CEP128: variants seen among roughly 807,000 people sequenced by gnomAD.
CEP128 encodes centrosomal protein 128kDa.
In CEP128, 132 loss-of-function variants were observed where a neutral mutation model predicts 156.7. That is an observed-to-expected ratio of 0.84 (90% CI 0.73 to 0.97). The LOEUF is 0.97. CEP128 is among the 50% of genes least tolerant of loss of function. CEP128 has a pLI of 0.00. For missense variants in CEP128, 1,252 were observed against 1,281.9 expected, an observed-to-expected ratio of 0.98 and a Z score of 0.36; for synonymous variants, 469 against 448.9, an observed-to-expected ratio of 1.04 and a Z score of -0.57.
intron 19 of CEP128, among the ~76,000 whole-genome samples, chr14:80,742,234 G>C (rs1234465507): frequency 6.6e-6 from 1 of 151,940 alleles, no homozygotes; most frequent in Non-Finnish European, 1.5e-5. Flanking sequence ...TTACATTTTT[G>C]ATTTTAAGAA....
intron 6 of CEP128, among the ~76,000 whole-genome samples, chr14:80,491,256 C>T (rs1029543240): frequency 1.1e-4 from 17 of 152,172 alleles, no homozygotes; most frequent in Admixed American, 2.0e-4. Flanking sequence ...TACACACTGG[C>T]TTTATTGGCT....
At chr14:80,890,161 A>AC (rs148985285) in intron 8 of CEP128, among the ~76,000 whole-genome samples, 75,125 of 151,918 alleles carry the variant, frequency 0.49, 19,073 homozygotes, top group African/African-American at 0.57. Context: ...AAATAGGAAC[A>AC]TTTTACACTG....
Position 80,895,798 on chromosome 14 carries a change from G to GGAA in CEP128, c.573-9_573-8insTTC. ...TTTGTTTCGGCATCTGACCTAGGAA[G>GGAA]AAAAAAAAAAAAAAGATTTAAATTT... On this transcript the variant is annotated splice_polypyrimidine_tract_variant and intron_variant, in intron 7 of 24. Coordinates refer to ENST00000555265, the MANE Select transcript of CEP128 (RefSeq NM_152446.5). 2 of 1,262,704 alleles carry GGAA rather than the reference G, an allele frequency of 1.6e-6. No homozygotes were observed. The highest frequency in any genetic ancestry group is 3.5e-5 in the South Asian group (2 of 57,414). The allele number at this position is 1,262,704 out of a possible 1,614,324, so 78.2% of individuals were successfully genotyped here.
In CEP128 at chr14:80,613,052, C is replaced by T. The variant is rs904622380; in HGVS notation, c.2807-32629G>A. On this transcript the variant is annotated intron_variant, in intron 19 of 24. Transcript: ENST00000555265. ...TTGTATTTTAGTAGAGACGGGGTTT[C>T]ACCATGTTCTCCAGGCTGCTCTCGA... is the stretch of plus-strand genomic sequence containing the variant. 7.1e-4 allele frequency among the ~76,000 whole-genome samples: 100 copies of T among 141,656 alleles called. 1 individual carries two copies. The highest frequency in any genetic ancestry group is 2.6e-3 in the African/African-American group (98 of 37,388). The allele number at this position is 141,656 out of a possible 152,430, so 92.9% of individuals were successfully genotyped here.
At chr14:80,512,989 A>C (rs1364250617) in intron 23 of CEP128, among the ~76,000 whole-genome samples, 1 of 152,094 alleles carries the variant, frequency 6.6e-6, no homozygotes, top group Non-Finnish European at 1.5e-5. Context: ...TTTCTACTGA[A>C]GGTATGAGTA....
intron 14 of CEP128, among the ~76,000 whole-genome samples, chr14:80,480,271 C>A (rs1887025919): frequency 6.6e-6 from 1 of 152,198 alleles, no homozygotes; most frequent in South Asian, 2.1e-4. Flanking sequence ...CTTGCCCCTG[C>A]AGCAAACTTT....
chr14:80,586,135 ATTCTGTCTT>A (rs1891812900), intron 19 of CEP128, among the ~76,000 whole-genome samples: 4 of 152,248 alleles, frequency 2.6e-5, no homozygotes, highest in South Asian at 2.1e-4. Flanking sequence ...AAGAAGTACA[ATTCTGTCTT>A]ATAAGGGAAA....
intron 2 of CEP128, among the ~76,000 whole-genome samples, chr14:80,932,197 A>C (rs1885507801): frequency 6.6e-6 from 1 of 152,262 alleles, no homozygotes; most frequent in Admixed American, 6.5e-5. Flanking sequence ...GCCATGCGGA[A>C]CTATGGGTCA....
chr14:80,767,751 C>T lies in CEP128; in HGVS notation c.2377-6138G>A, dbSNP rs551040650. 3.5e-4 allele frequency among the ~76,000 whole-genome samples: 53 copies of T among 152,188 alleles called. No homozygotes were observed. In the South Asian group the frequency reaches 8.5e-3, roughly 24 times the overall value. ...ATAGTGCATTAAGAGCATGTGAGAG[C>T]CTTAGTAAAACAATAGAGCTAATAG... is the stretch of plus-strand genomic sequence containing the variant. On this transcript the variant is annotated intron_variant, in intron 16 of 24. Transcript: ENST00000555265.
Position 80,678,049 on chromosome 14 carries a change from A to AAATATATATATATATAT in CEP128, c.2806+65025_2806+65026insATATATATATATATATT. On this transcript the variant is annotated intron_variant, in intron 19 of 24. Coordinates refer to ENST00000555265, the MANE Select transcript of CEP128 (RefSeq NM_152446.5). Reference sequence around the variant, plus strand: ...ATGGACAGTTGCTCTATAAAAAAAAAATATATATATATATGTATATATATA... The same window carrying AAATATATATATATATAT: ...ATGGACAGTTGCTCTATAAAAAAAAAAATATATATATATATATATATATATATATATGTATATATATA... Among the ~76,000 whole-genome samples, 60 of 98,492 alleles carry AAATATATATATATATAT rather than the reference A, an allele frequency of 6.1e-4. 1 individual carries two copies. Among genetic ancestry groups the AAATATATATATATATAT allele is most frequent in the Middle Eastern group, 5.3e-3 (1 of 190 alleles). The allele number at this position is 98,492 out of a possible 152,430, so 64.6% of individuals were successfully genotyped here. A position where few individuals can be genotyped will look rare whatever the true frequency, so the allele number is the denominator to read the frequency against.
At chr14:80,731,841 T>C (rs891357758) in intron 19 of CEP128, among the ~76,000 whole-genome samples, 2 of 152,126 alleles carry the variant, frequency 1.3e-5, no homozygotes, top group Admixed American at 1.3e-4. Flanking sequence ...ATCAGACTAG[T>C]TTGGTGATAA....
chr14:80,651,448 T>A (rs1042841875), intron 19 of CEP128, among the ~76,000 whole-genome samples: 2 of 152,114 alleles, frequency 1.3e-5, no homozygotes, highest in Non-Finnish European at 2.9e-5. Context: ...TTATTTCTTG[T>A]CTTCTGCTAG....
rs566686142 is a variant in CEP128 at position 80,719,932 on chromosome 14, T to C, written c.2806+23143A>G. Among the ~76,000 whole-genome samples, 7 of 152,294 alleles carry C rather than the reference T, an allele frequency of 4.6e-5. No homozygotes were observed. In the South Asian group the frequency reaches 1.0e-3, roughly 23 times the overall value. On this transcript the variant is annotated intron_variant, in intron 19 of 24. Coordinates refer to ENST00000555265, the MANE Select transcript of CEP128 (RefSeq NM_152446.5). ...AAATACATAAATAAATCCATGAGCA[T>C]ATATATGCAAATAAAATTATAGTGC...
At chr14:80,957,629 A>G (rs1886771104) in intron 2 of CEP128, among the ~76,000 whole-genome samples, 1 of 152,216 alleles carries the variant, frequency 6.6e-6, no homozygotes, top group Admixed American at 6.5e-5. Flanking sequence ...TGGCTCTGAC[A>G]GTGAAAAGGA....
chr14:80,762,058 C>T (rs181232052), intron 16 of CEP128, among the ~76,000 whole-genome samples: 2 of 152,162 alleles, frequency 1.3e-5, no homozygotes, highest in South Asian at 2.1e-4. Flanking sequence ...AGTGTTACCA[C>T]CTTTATCTCA....
At chr14:80,529,425 G>A (rs375447959) in intron 22 of CEP128, among the ~76,000 whole-genome samples, 1 of 152,232 alleles carries the variant, frequency 6.6e-6, no homozygotes, top group South Asian at 2.1e-4. Flanking sequence ...TAATAATAAT[G>A]AGCCTTTTGG....
chr14:80,747,805 T>A (rs997586322), intron 18 of CEP128, among the ~76,000 whole-genome samples: 1 of 152,132 alleles, frequency 6.6e-6, no homozygotes, highest in Non-Finnish European at 1.5e-5. Flanking sequence ...AGACTCCATC[T>A]CAAATGTCCT....
intron 2 of CEP128, among the ~76,000 whole-genome samples, chr14:80,931,545 T>C (rs1353902996): frequency 2.6e-5 from 4 of 152,212 alleles, no homozygotes. Flanking sequence ...GCCAGAGATT[T>C]TGAGTTACAA....
chr14:80,570,831 A>C (rs533477410), intron 20 of CEP128, among the ~76,000 whole-genome samples: 90 of 152,298 alleles, frequency 5.9e-4, no homozygotes, highest in Non-Finnish European at 1.0e-3. Flanking sequence ...TCTTCCTTAA[A>C]GTATGCCAAA....
Sources: gnomAD v4.1 joint callset for allele counts (sites outside exome capture counted in the v4.1 genomes callset) on GRCh38, gnomAD v4.1.1 for gene constraint, MANE v1.5 for transcripts, NCBI Gene and HGNC (gene_info 2026-07-23, HGNC 2026-07-21) for gene names.